The following SFXN5 variants were observed in gnomAD, a reference collection of about 807,000 sequenced individuals.
SFXN5 encodes sideroflexin 5.
Under a neutral mutation model 50.2 loss-of-function variants are expected in SFXN5, and 43 were observed. The observed-to-expected ratio is 0.86, with a 90% CI of 0.67 to 1.11. SFXN5 has a LOEUF of 1.11. Ranked by LOEUF, SFXN5 falls within the 50% of genes least tolerant of loss-of-function variation. The pLI is 0.00. For missense variants in SFXN5, 463 were observed against 454.1 expected, an observed-to-expected ratio of 1.02 and a Z score of -0.18; for synonymous variants, 203 against 185.8, an observed-to-expected ratio of 1.09 and a Z score of -0.75.
intron 3 of SFXN5, among the ~76,000 whole-genome samples, chr2:73,034,284 G>T (rs1678682627): frequency 6.6e-6 from 1 of 152,248 alleles, no homozygotes; most frequent in South Asian, 2.1e-4. Flanking sequence ...CCCAGAGCTT[G>T]ATGCTAGGAG....
intron 12 of SFXN5, among the ~76,000 whole-genome samples, chr2:72,965,720 T>C (rs1447609334): frequency 1.3e-5 from 2 of 152,210 alleles, no homozygotes. Context: ...TGTTTCACCA[T>C]GACTCCCAAA....
chr2:73,069,824 G>GA (rs74390631), intron 1 of SFXN5, among the ~76,000 whole-genome samples: 24 of 138,922 alleles, frequency 1.7e-4, no homozygotes, highest in South Asian at 4.5e-4. Context: ...AAAAGAAAAA[G>GA]AAAAAAAAAA....
intron 10 of SFXN5, among the ~76,000 whole-genome samples, chr2:72,987,496 G>A (rs895251868): frequency 2.6e-5 from 4 of 151,902 alleles, no homozygotes; most frequent in African/African-American, 9.7e-5. Context: ...GGTGGCTCAC[G>A]TCTGTAATCC....
In SFXN5 at chr2:73,071,682, T is replaced by G. The variant is rs752530952; in HGVS notation, c.24A>C (p.Ala8=). 1 of 1,613,066 alleles carries G rather than the reference T, an allele frequency of 6.2e-7. No homozygotes were observed. Among genetic ancestry groups the G allele is most frequent in the African/African-American group, 1.3e-5 (1 of 74,942 alleles). Residue 8 remains alanine, a synonymous_variant, in exon 1 of 14, where the codon GCA becomes GCC. Transcript: ENST00000272433. The stretch of plus-strand genomic sequence containing the variant: ...TAGCGGCACTAGCCGCCGCCGCCGA[T>G]GCTGTAGTCGCTGTATCCGCCATGG... The part of the protein sequence containing the change: MADTATT[A]SAAAASAASA...
At chr2:73,019,028 A>G (rs1053293783) in intron 6 of SFXN5, among the ~76,000 whole-genome samples, 3 of 152,198 alleles carry the variant, frequency 2.0e-5, no homozygotes, top group African/African-American at 7.2e-5. Flanking sequence ...AACTAGAAAA[A>G]CCCAAATGTT....
At position 72,942,885 on chromosome 2, in the gene SFXN5, C is replaced by G. The variant is rs2105285966; in HGVS notation, c.*2137G>C. ...AGGGGTGGGTAGGCAGTTTTGGTCC[C>G]AAGATAAAGTGCACAAGAATAAGAC... On this transcript the variant is annotated 3_prime_UTR_variant, in exon 14 of 14. Transcript: ENST00000272433. The G allele has an allele frequency of 6.6e-6, 1 of 152,266 alleles. No homozygotes were observed. Among genetic ancestry groups the G allele is most frequent in the South Asian group, 2.1e-4 (1 of 4,826 alleles). 9.4% of individuals were successfully genotyped at this position (152,266 alleles called of 1,614,324 possible). A position where few individuals can be genotyped will look rare whatever the true frequency, so the allele number is the denominator to read the frequency against.
chr2:72,971,703 G>A lies in SFXN5; in HGVS notation c.626-18C>T, dbSNP rs781097359. The A allele has an allele frequency of 2.5e-6, 4 of 1,588,248 alleles. No homozygotes were observed. The highest frequency in any genetic ancestry group is 3.5e-6 in the Non-Finnish European group (4 of 1,156,922). On this transcript the variant is annotated intron_variant, in intron 10 of 13. Transcript: ENST00000272433. ...GGCACTGGCTGCAGAGAGAGGGGAT[G>A]CAGAGAGCAGGATGAGGAGGAAGAT...
In SFXN5 at chr2:73,058,349, A is replaced by G. The variant is rs1414620764; in HGVS notation, c.171+179T>C. On this transcript the variant is annotated intron_variant, in intron 2 of 13. Coordinates refer to ENST00000272433, the MANE Select transcript of SFXN5 (RefSeq NM_144579.3). ...ACAATGTATCAACTCAGATACAGAC[A>G]GACACACAGATACATAAACAGACAG... 8.6e-6 allele frequency: 5 copies of G among 580,062 alleles called. No individual in the cohort carries two copies. The East Asian group carries it at 1.4e-4, about 16-fold the overall frequency. The allele number at this position is 580,062 out of a possible 1,614,324, so 35.9% of individuals were successfully genotyped here.
In SFXN5 at chr2:72,983,451, G is replaced by A. The variant is rs1671553937; in HGVS notation, c.625+4807C>T. The stretch of plus-strand genomic sequence containing the variant: ...CTGGCATTTCCGGTGCCTGCAGGAA[G>A]CTTGTTCTCCTTGGAAGGAGCAGCT... On this transcript the variant is annotated intron_variant, in intron 10 of 13. Transcript: ENST00000272433. Among the ~76,000 whole-genome samples, 7 of 152,346 alleles carry A rather than the reference G, an allele frequency of 4.6e-5. No individual in the cohort carries two copies. In the South Asian group the frequency reaches 1.4e-3, roughly 32 times the overall value.
chr2:73,034,481 T>C (rs1678710923), intron 3 of SFXN5, among the ~76,000 whole-genome samples: 1 of 152,204 alleles, frequency 6.6e-6, no homozygotes, highest in African/African-American at 2.4e-5. Flanking sequence ...GCAGGATCTC[T>C]TGCATCCCAG....
intron 9 of SFXN5, among the ~76,000 whole-genome samples, chr2:72,990,356 C>A (rs1185206074): frequency 6.6e-6 from 1 of 152,160 alleles, no homozygotes; most frequent in Non-Finnish European, 1.5e-5. Flanking sequence ...TGGGGAGCTG[C>A]CGGCTCATAC....
chr2:72,976,963 C>A (rs1471874324), intron 10 of SFXN5, among the ~76,000 whole-genome samples: 2 of 152,164 alleles, frequency 1.3e-5, no homozygotes, highest in Non-Finnish European at 2.9e-5. Context: ...TACCCCCGCC[C>A]GAGATTAATC....
chr2:72,999,945 T>A (rs558495284), intron 8 of SFXN5, among the ~76,000 whole-genome samples: 1 of 152,054 alleles, frequency 6.6e-6, no homozygotes, highest in Admixed American at 6.5e-5. Flanking sequence ...GCAGGGGCTC[T>A]GGGGGGGAGT....
chr2:73,051,257 C>CTTTTTTTTTT (rs35074891), intron 2 of SFXN5, among the ~76,000 whole-genome samples: 4 of 114,788 alleles, frequency 3.5e-5, no homozygotes, highest in South Asian at 2.8e-4. Flanking sequence ...TTTTCCAGCA[C>CTTTTTTTTTT]TTTTTTTTTT....
At chr2:73,044,772 G>A (rs995946416) in intron 2 of SFXN5, among the ~76,000 whole-genome samples, 1 of 152,248 alleles carries the variant, frequency 6.6e-6, no homozygotes, top group African/African-American at 2.4e-5. Flanking sequence ...CTGCCAGCAA[G>A]TGTCACCATG....
rs544449407 is a variant in SFXN5 at position 73,071,637 on chromosome 2, A to G, written c.69T>C (p.Pro23=). 2.6e-5 allele frequency: 42 copies of G among 1,613,788 alleles called. No homozygotes were observed. In the African/African-American group the frequency reaches 4.7e-4, roughly 18 times the overall value. ...AGCGGGGTTTGCCCAGTTGGAAAGG[A>G]GGTGCATCGCTCGAGGCGCTAGCGG... ...ASAASASSDA[P]PFQLGKPRFQ... The change falls in exon 1 of 14, where the codon CCT becomes CCC. Residue 23 remains proline, a synonymous_variant. Transcript: ENST00000272433.
At chr2:72,963,386 G>A (rs889304961) in intron 12 of SFXN5, among the ~76,000 whole-genome samples, 2 of 152,186 alleles carry the variant, frequency 1.3e-5, no homozygotes, top group African/African-American at 4.8e-5. Context: ...CTCTCAGGGT[G>A]GCTGGCTGAA....
chr2:72,978,403 C>T (rs1387496011), intron 10 of SFXN5, among the ~76,000 whole-genome samples: 1 of 151,824 alleles, frequency 6.6e-6, no homozygotes, highest in African/African-American at 2.4e-5. Flanking sequence ...CTGCCTCAGC[C>T]TCCCAAGTAG....
rs778702736 is a variant in SFXN5 at position 73,071,643 on chromosome 2, A to G, written c.63T>C (p.Asp21=). 2 of 1,613,790 alleles carry G rather than the reference A, an allele frequency of 1.2e-6. No homozygotes were observed. The highest frequency in any genetic ancestry group is 2.2e-5 in the South Asian group (2 of 91,068). Residue 21 remains aspartate (D), a synonymous_variant, in exon 1 of 14, where the codon GAT becomes GAC. Transcript: ENST00000272433. The part of the protein sequence containing the change: ...AAASAASASS[D]APPFQLGKPR... ...GTTTGCCCAGTTGGAAAGGAGGTGC[A>G]TCGCTCGAGGCGCTAGCGGCACTAG...
Sources: gnomAD v4.1 joint callset for allele counts (sites outside exome capture counted in the v4.1 genomes callset) on GRCh38, gnomAD v4.1.1 for gene constraint, MANE v1.5 for transcripts, NCBI Gene and HGNC (gene_info 2026-07-23, HGNC 2026-07-21) for gene names.